ELP4: variants seen among roughly 807,000 people sequenced by gnomAD.
The protein encoded by ELP4 is elongator complex protein 4.
In ELP4, 51 loss-of-function variants were observed where a neutral mutation model predicts 48.9. The observed-to-expected ratio is 1.04, with a 90% CI of 0.83 to 1.32. The LOEUF is 1.32. ELP4 is among the 40% of genes most tolerant of loss of function. The pLI is 0.00. For synonymous variants in ELP4, 210 were observed against 189.2 expected (o/e 1.11, Z -0.90); for missense variants, 519 against 514.6 (o/e 1.01, Z -0.08).
chr11:31,623,019 A>T (rs1944654466), intron 5 of ELP4, among the ~76,000 whole-genome samples: 1 of 142,054 alleles, frequency 7.0e-6, no homozygotes, highest in Admixed American at 7.1e-5. Context: ...TAGAATCTCA[A>T]AATAGATCAT....
intron 9 of ELP4, among the ~76,000 whole-genome samples, chr11:31,781,740 G>A (rs972251653): frequency 6.6e-6 from 1 of 151,622 alleles, no homozygotes; most frequent in African/African-American, 2.4e-5. Flanking sequence ...CTCATGATCC[G>A]CCTGCCTCAG....
At chr11:31,716,881 A>G (rs917489557) in intron 9 of ELP4, among the ~76,000 whole-genome samples, 2 of 152,268 alleles carry the variant, frequency 1.3e-5, no homozygotes, top group Non-Finnish European at 2.9e-5. Flanking sequence ...GTAAGAATTC[A>G]GAGAAAAGAG....
chr11:31,687,799 T>G (rs1406885544), intron 9 of ELP4: 1 of 152,204 alleles, frequency 6.6e-6, no homozygotes, highest in East Asian at 1.9e-4. Context: ...GAGTTAATAT[T>G]AAACTTTGTA....
At chr11:31,556,537 A>C (rs1056052313) in intron 3 of ELP4, among the ~76,000 whole-genome samples, 2 of 151,888 alleles carry the variant, frequency 1.3e-5, no homozygotes, top group African/African-American at 4.8e-5. Context: ...TTAATAAGTT[A>C]TGTGTTAGTA....
chr11:31,592,404 T>A (rs968895067), intron 3 of ELP4, among the ~76,000 whole-genome samples: 1 of 151,740 alleles, frequency 6.6e-6, no homozygotes, highest in Non-Finnish European at 1.5e-5. Flanking sequence ...TAGCCAAGCA[T>A]GGTGGCATGT....
intron 9 of ELP4, among the ~76,000 whole-genome samples, chr11:31,746,329 G>A (rs548215947): frequency 7.9e-4 from 120 of 152,332 alleles, no homozygotes; most frequent in African/African-American, 2.7e-3. Flanking sequence ...AGTCAGTGTG[G>A]TGATTCCTCA....
At chr11:31,733,716 GTAAT>G (rs1225946726) in intron 9 of ELP4, among the ~76,000 whole-genome samples, 4 of 152,120 alleles carry the variant, frequency 2.6e-5, no homozygotes, top group Non-Finnish European at 4.4e-5. Flanking sequence ...TATTGAAGCA[GTAAT>G]TAAAAATCTT....
intron 5 of ELP4, among the ~76,000 whole-genome samples, chr11:31,623,390 T>TATATATATATATATATATATATA (rs67986763): frequency 1.1e-5 from 1 of 92,610 alleles, no homozygotes; most frequent in Non-Finnish European, 2.3e-5. Context: ...TATATATATA[T>TATATATATATATATATATATATA]AAAACTAGAA....
intron 9 of ELP4, among the ~76,000 whole-genome samples, chr11:31,743,956 G>A (rs555270918): frequency 1.4e-3 from 207 of 152,226 alleles, no homozygotes; most frequent in Non-Finnish European, 2.4e-3. Context: ...TCCAGGAGCT[G>A]GTTTTTTGAA....
intron 9 of ELP4, among the ~76,000 whole-genome samples, chr11:31,721,408 G>C (rs897293977): frequency 6.6e-6 from 1 of 151,930 alleles, no homozygotes; most frequent in Admixed American, 6.6e-5. Context: ...ATATAACATA[G>C]GTTCTAGCCA....
Position 31,533,815 on chromosome 11 carries a change from GT to G in ELP4, c.260-5839del, listed in dbSNP as rs916941440. 6.6e-5 allele frequency among the ~76,000 whole-genome samples: 10 copies of G among 151,416 alleles called. No individual in the cohort carries two copies. The East Asian group carries it at 7.8e-4, about 12-fold the overall frequency. On this transcript the variant is annotated intron_variant, in intron 2 of 9. Coordinates refer to ENST00000640961, the MANE Select transcript of ELP4 (RefSeq NM_019040.5). ...GACAGTTACAGTCATTTAGGTAAGA[GT>G]TTTTTTTGTTTTTGTTTTGTTTTGT...
chr11:31,643,347 GT>G (rs1054489892), intron 7 of ELP4, among the ~76,000 whole-genome samples: 1 of 151,492 alleles, frequency 6.6e-6, no homozygotes, highest in Non-Finnish European at 1.5e-5. Flanking sequence ...TACTTGAGGC[GT>G]TGCATAAATG....
intron 9 of ELP4, among the ~76,000 whole-genome samples, chr11:31,670,092 TTTG>T (rs1945776860): frequency 6.6e-6 from 1 of 152,114 alleles, no homozygotes; most frequent in South Asian, 2.1e-4. Flanking sequence ...TAATGATGAG[TTTG>T]TTACTTGATG....
chr11:31,673,535 C>T (rs1180661520), intron 9 of ELP4, among the ~76,000 whole-genome samples: 1 of 152,024 alleles, frequency 6.6e-6, no homozygotes, highest in Non-Finnish European at 1.5e-5. Flanking sequence ...CGCCGTGTTG[C>T]CCACACTGGT....
intron 1 of ELP4, chr11:31,511,979 C>T (rs1255120845): frequency 6.6e-6 from 1 of 152,138 alleles, no homozygotes; most frequent in African/African-American, 2.4e-5. Context: ...AGTGAATTCT[C>T]AAAGTGCACA....
chr11:31,617,842 A>G (rs1302083595), intron 5 of ELP4, among the ~76,000 whole-genome samples: 1 of 152,068 alleles, frequency 6.6e-6, no homozygotes, highest in Non-Finnish European at 1.5e-5. Flanking sequence ...AAGGATGTGA[A>G]GAAATCAAAA....
intron 2 of ELP4, among the ~76,000 whole-genome samples, chr11:31,534,253 A>AG (rs1956461938): frequency 6.9e-6 from 1 of 145,580 alleles, no homozygotes; most frequent in African/African-American, 2.7e-5. Flanking sequence ...AAGGATGGGG[A>AG]GAGAGGTGGA....
At chr11:31,734,905 A>G (rs1023723556) in intron 9 of ELP4, among the ~76,000 whole-genome samples, 4 of 152,194 alleles carry the variant, frequency 2.6e-5, no homozygotes, top group Non-Finnish European at 5.9e-5. Flanking sequence ...AGCCAATACA[A>G]TCATGAGAAA....
intron 9 of ELP4, among the ~76,000 whole-genome samples, chr11:31,702,823 T>C (rs933301924): frequency 2.0e-5 from 3 of 152,192 alleles, no homozygotes; most frequent in Admixed American, 1.3e-4. Context: ...AACTTTCATT[T>C]TCTTATGTAT....
Sources: allele counts gnomAD v4.1 joint callset (sites outside exome capture counted in the v4.1 genomes callset), GRCh38; gene constraint gnomAD v4.1.1; transcripts MANE v1.5; gene names NCBI Gene and HGNC (gene_info 2026-07-23, HGNC 2026-07-21).